The following CATSPER1 variants were observed in gnomAD, a reference collection of about 807,000 sequenced individuals.
CATSPER1 encodes the protein cation channel sperm associated 1, also known as cation channel sperm-associated protein 1.
CATSPER1 carries 57 observed loss-of-function variants against 72.7 expected under a neutral mutation model. That is an observed-to-expected ratio of 0.78 (90% CI 0.63 to 0.98). The LOEUF is 0.98. Ranked by LOEUF, CATSPER1 falls within the 50% of genes least tolerant of loss-of-function variation. The pLI, the probability that CATSPER1 is intolerant of heterozygous loss-of-function variation, is 0.00. For missense variants in CATSPER1, 910 were observed against 1,033.9 expected (o/e 0.88, Z 1.64); for synonymous variants, 363 against 403.0 (o/e 0.90, Z 1.19).
chr11:66,023,781 C>T (rs577788587), intron 1 of CATSPER1, among the ~76,000 whole-genome samples: 2 of 151,998 alleles, frequency 1.3e-5, no homozygotes, highest in South Asian at 4.2e-4. Context: ...TTTCTTTGCT[C>T]ACGTGGCAAC....
intron 10 of CATSPER1, among the ~76,000 whole-genome samples, chr11:66,017,696 T>G (rs1209125226): frequency 6.6e-6 from 1 of 151,996 alleles, no homozygotes; most frequent in East Asian, 1.9e-4. Flanking sequence ...TGTCAACCCA[T>G]TCATCAAAGA....
chr11:66,021,414 A>G (rs1256719984), intron 4 of CATSPER1, 82 bp downstream of exon 4: 4 of 1,542,376 alleles, frequency 2.6e-6, no homozygotes, highest in Non-Finnish European at 3.5e-6. Flanking sequence ...TGAGCAGGTC[A>G]CAGTGGATTT....
intron 10 of CATSPER1, among the ~76,000 whole-genome samples, chr11:66,017,821 GA>G (rs1454658212): frequency 6.6e-6 from 1 of 152,234 alleles, no homozygotes; most frequent in African/African-American, 2.4e-5. Flanking sequence ...ATTGGGTTCT[GA>G]GGGGCCCAGA....
chr11:66,022,997 T>C lies in CATSPER1; in HGVS notation c.1281A>G (p.Glu427=). 1 of 1,614,222 alleles carries C rather than the reference T, an allele frequency of 6.2e-7. No individual in the cohort carries two copies. The highest frequency in any genetic ancestry group is 8.5e-7 in the Non-Finnish European group (1 of 1,180,048). The change falls in exon 2 of 12, where the codon GAA becomes GAG. Residue 427 remains glutamate (E), a synonymous_variant. Coordinates refer to ENST00000312106, the MANE Select transcript of CATSPER1 (RefSeq NM_053054.4). The stretch of plus-strand genomic sequence containing the variant: ...AGCCCTGAATGAGGAAGGTTAGCTT[T>C]TCCCACAGCCACTGGAAGAGATTGG... ...HSTNLFQWLW[E]KLTFLIQGFR...
Position 66,025,491 on chromosome 11 carries a change from G to A in CATSPER1, c.889C>T (p.Arg297Ter), listed in dbSNP as rs374112491. ...TGGTCTTGGTGCTGATGGTAGTCTCGGTGCCGGTGGGTCTGGTGGTAGTGG... is the reference window on the plus strand; with the variant it reads ...TGGTCTTGGTGCTGATGGTAGTCTCAGTGCCGGTGGGTCTGGTGGTAGTGG... The part of the protein sequence containing the change: ...QHHYHQTHRH[R>*]DYHQHQDHHG... Residue 297 changes from arginine to a stop codon, truncating the protein, a stop_gained, in exon 1 of 12, where the codon CGA (arginine) becomes TGA (stop). Transcript: ENST00000312106. LOFTEE classifies it high-confidence loss of function. The A allele has an allele frequency of 2.2e-5, 35 of 1,610,088 alleles. No homozygotes were observed. The African/African-American group carries it at 3.7e-4, about 17-fold the overall frequency.
chr11:66,022,735 G>A, intron 2 of CATSPER1, 114 bp downstream of exon 2: 1 of 970,946 alleles, frequency 1.0e-6, no homozygotes, highest in Non-Finnish European at 1.6e-6. Context: ...CTTCCCAGGG[G>A]TGAGGATCAA....
chr11:66,024,267 A>AT, intron 1 of CATSPER1, among the ~76,000 whole-genome samples: 1 of 96,416 alleles, frequency 1.0e-5, no homozygotes, highest in South Asian at 3.7e-4. Context: ...CACCCAGCCT[A>AT]TTTGTTTTTT....
intron 1 of CATSPER1, among the ~76,000 whole-genome samples, 189 bp downstream of exon 1, chr11:66,024,975 T>G (rs926273563): frequency 1.3e-5 from 2 of 152,156 alleles, no homozygotes; most frequent in Non-Finnish European, 2.9e-5. Context: ...CCTCATGGCC[T>G]AAAGAGGTAC....
chr11:66,016,917 C>T lies in CATSPER1; in HGVS notation c.2317-1G>A. ...AATTCCTGAAGTCCTCTTCTCCAGCCTGCAGGGGTGAGTGGGGCACTGGTG... is the reference window on the plus strand; with the variant it reads ...AATTCCTGAAGTCCTCTTCTCCAGCTTGCAGGGGTGAGTGGGGCACTGGTG... On this transcript the variant is annotated splice_acceptor_variant, in intron 11 of 11. Transcript: ENST00000312106. LOFTEE classifies it high-confidence loss of function. 1 of 1,614,118 alleles carries T rather than the reference C, an allele frequency of 6.2e-7. No individual in the cohort carries two copies. Among genetic ancestry groups the T allele is most frequent in the Middle Eastern group, 1.6e-4 (1 of 6,062 alleles).
At position 66,025,542 on chromosome 11, in the gene CATSPER1, C is replaced by T. The variant is rs534823391; in HGVS notation, c.838G>A (p.Gly280Ser). 2 of 1,601,054 alleles carry T rather than the reference C, an allele frequency of 1.2e-6. No homozygotes were observed. The highest frequency in any genetic ancestry group is 1.3e-5 in the African/African-American group (1 of 74,514). The change falls in exon 1 of 12, where the codon GGC (glycine) becomes AGC (serine). Residue 280 changes from glycine (G) to serine (S), a missense_variant. By Grantham distance (56) the Gly-to-Ser change is moderately conservative (BLOSUM62 0). Coordinates refer to ENST00000312106, the MANE Select transcript of CATSPER1 (RefSeq NM_053054.4). Reference protein sequence around the residue: ...GDHHPSEYHHGDHPHHTQHHY... With the variant: ...GDHHPSEYHHSDHPHHTQHHY... ...TGCTGTGTGTGGTGGGGATGGTCGC[C>T]ATGGTGGTACTCACTGGGGTGGTGA...
chr11:66,022,772 G>T (rs939249665), intron 2 of CATSPER1, 77 bp downstream of exon 2: 47 of 1,446,248 alleles, frequency 3.2e-5, no homozygotes, highest in Admixed American at 1.3e-4. Context: ...AAACCGCCCG[G>T]CACTGGATCA....
At chr11:66,023,463 C>T (rs1455788052) in intron 1 of CATSPER1, among the ~76,000 whole-genome samples, 2 of 152,160 alleles carry the variant, frequency 1.3e-5, no homozygotes, top group Admixed American at 6.5e-5. Context: ...CTCACACAAG[C>T]CCGGATTCCC....
At chr11:66,017,232 C>A in intron 10 of CATSPER1, 58 bp from the exon 11 acceptor site, 1 of 1,336,630 alleles carries the variant, frequency 7.5e-7, no homozygotes, top group Non-Finnish European at 1.0e-6. Context: ...CTGGCTGGGC[C>A]TACTGCACCC....
rs1565068759 is a variant in CATSPER1 at position 66,017,181 on chromosome 11, G to T, written c.2202-7C>A. On this transcript the variant is annotated splice_polypyrimidine_tract_variant and splice_region_variant and intron_variant, in intron 10 of 11. Coordinates refer to ENST00000312106, the MANE Select transcript of CATSPER1 (RefSeq NM_053054.4). ...GAACAGGAGCTCCTGCTGCCTGCGG[G>T]TGGGCGGGGGGGTCGCAGAGACAGG... 5.2e-6 allele frequency: 8 copies of T among 1,535,538 alleles called. No homozygotes were observed. Among genetic ancestry groups the T allele is most frequent in the Non-Finnish European group, 7.1e-6 (8 of 1,125,934 alleles).
At position 66,020,941 on chromosome 11, in the gene CATSPER1, C is replaced by T. The variant is rs148871160; in HGVS notation, c.1797G>A (p.Ala599=). The change falls in exon 6 of 12, where the codon GCG becomes GCA. Residue 599 remains alanine (A), a synonymous_variant. Transcript: ENST00000312106. The surrounding 1 kb of genome is among the most constrained non-coding windows in gnomAD (Gnocchi z 4.5). Reference sequence around the variant, plus strand: ...ATTTGCGGAACAGTGCCCGGAGGACCGCGGAGAAGAGGACTGGCTGTTCAG... The same window carrying T: ...ATTTGCGGAACAGTGCCCGGAGGACTGCGGAGAAGAGGACTGGCTGTTCAG... ...LMFTCLFLFS[A]VLRALFRKSD... 3.3e-5 allele frequency: 53 copies of T among 1,613,876 alleles called. No homozygotes were observed. The highest frequency in any genetic ancestry group is 2.7e-4 in the African/African-American group (20 of 74,892).
intron 11 of CATSPER1, 40 bp downstream of exon 11, chr11:66,017,020 G>C: frequency 1.2e-6 from 2 of 1,612,344 alleles, no homozygotes; most frequent in Non-Finnish European, 1.7e-6. Context: ...AGCCCCTGGG[G>C]TTCCCCTCGC....
At position 66,021,508 on chromosome 11, in the gene CATSPER1, A is replaced by G; in HGVS notation, c.1679T>C (p.Leu560Pro). The G allele has an allele frequency of 6.2e-7, 1 of 1,613,548 alleles. No homozygotes were observed. The highest frequency in any genetic ancestry group is 1.1e-5 in the South Asian group (1 of 91,062). ...CGTGGCCACTGACCTGAGCCTCCGC[A>G]GGACCCGGATTGCCCTCAGGGCCCG... Reference protein sequence around the residue: ...SLRALRAIRVLRRLSFLTSVQ... With the variant: ...SLRALRAIRVPRRLSFLTSVQ... The change falls in exon 4 of 12, where the codon CTG becomes CCG. Residue 560 changes from leucine (L) to proline (P), a missense_variant. Leu to Pro is a moderately conservative substitution (Grantham distance 98). Coordinates refer to ENST00000312106, the MANE Select transcript of CATSPER1 (RefSeq NM_053054.4).
intron 2 of CATSPER1, among the ~76,000 whole-genome samples, chr11:66,022,514 G>A (rs1207921614): frequency 2.6e-5 from 4 of 152,180 alleles, no homozygotes; most frequent in Non-Finnish European, 5.9e-5. Context: ...TTACATCCTC[G>A]CCCCTCCAGG....
intron 2 of CATSPER1, among the ~76,000 whole-genome samples, chr11:66,022,122 T>C (rs1404213911): frequency 6.6e-6 from 1 of 152,106 alleles, no homozygotes; most frequent in African/African-American, 2.4e-5. Flanking sequence ...GGCGCATCAC[T>C]GGAGGTCAGG....
Sources: gnomAD v4.1 joint callset for allele counts (sites outside exome capture counted in the v4.1 genomes callset) on GRCh38, gnomAD v4.1.1 for gene constraint, Gnocchi (gnomAD v3.1) non-coding constraint, MANE v1.5 for transcripts, NCBI Gene and HGNC (gene_info 2026-07-23, HGNC 2026-07-21) for gene names.